GALNT13: variants seen among roughly 807,000 people sequenced by gnomAD.
GALNT13 encodes UDP-GalNAc:polypeptide N-acetylgalactosaminyltransferase 13.
GALNT13 carries 28 observed loss-of-function variants against 64.2 expected under a neutral mutation model. That is an observed-to-expected ratio of 0.44 (90% CI 0.32 to 0.60). The LOEUF is 0.60. Ranked by LOEUF, GALNT13 falls within the 20% of genes least tolerant of loss-of-function variation. The pLI is 0.05. For synonymous variants in GALNT13, 214 were observed against 224.6 expected (o/e 0.95, Z 0.42); for missense variants, 577 against 669.8 (o/e 0.86, Z 1.53).
chr2:154,390,440 T>A (rs537078826), intron 9 of GALNT13, among the ~76,000 whole-genome samples: 234 of 152,258 alleles, frequency 1.5e-3, no homozygotes, highest in African/African-American at 5.5e-3. Flanking sequence ...CCACATGTCC[T>A]CATGAGTTAA....
At chr2:153,989,687 G>A (rs1695033668) in intron 3 of GALNT13, among the ~76,000 whole-genome samples, 1 of 152,010 alleles carries the variant, frequency 6.6e-6, no homozygotes, top group South Asian at 2.1e-4. Flanking sequence ...TTGAGCATTT[G>A]CCATATTTAT....
At chr2:154,131,775 C>T (rs536128184) in intron 3 of GALNT13, among the ~76,000 whole-genome samples, 2 of 152,182 alleles carry the variant, frequency 1.3e-5, no homozygotes, top group African/African-American at 4.8e-5. Flanking sequence ...AGGTGAAGTC[C>T]CACAATAGGC....
At chr2:153,270,488 C>T in the GALNT13 span, among the ~76,000 whole-genome samples, 17 of 152,288 alleles carry the variant, frequency 1.1e-4, no homozygotes, top group Admixed American at 2.6e-4. Context: ...TGCCCAGACG[C>T]GCACCTCCTA....
chr2:153,330,900 G>C, the GALNT13 span, among the ~76,000 whole-genome samples: 469 of 152,230 alleles, frequency 3.1e-3, 19 homozygotes, highest in East Asian at 0.082. Flanking sequence ...TAAGTATGAT[G>C]TTGGCTGTGG....
At chr2:153,225,257 G>A in the GALNT13 span, among the ~76,000 whole-genome samples, 2 of 152,242 alleles carry the variant, frequency 1.3e-5, no homozygotes, top group East Asian at 1.9e-4. Flanking sequence ...TGCAGAAAAA[G>A]TATTTTACAA....
At chr2:154,419,440 C>G (rs973188374) in intron 11 of GALNT13, among the ~76,000 whole-genome samples, 3 of 152,004 alleles carry the variant, frequency 2.0e-5, no homozygotes, top group African/African-American at 7.2e-5. Context: ...ATTGTAGAGT[C>G]TCATTTTATG....
chr2:153,900,117 G>A (rs1346051364), intron 1 of GALNT13, among the ~76,000 whole-genome samples: 2 of 151,362 alleles, frequency 1.3e-5, no homozygotes, highest in Non-Finnish European at 2.9e-5. Context: ...TGTATTTTTA[G>A]TAAAGACAGG....
chr2:154,080,140 C>A (rs1272079098), intron 3 of GALNT13, among the ~76,000 whole-genome samples: 2 of 151,492 alleles, frequency 1.3e-5, no homozygotes, highest in Non-Finnish European at 3.0e-5. Context: ...ACAAAGGCTG[C>A]TGGGTGGAAT....
chr2:153,936,730 T>TG (rs1690951279), intron 2 of GALNT13, among the ~76,000 whole-genome samples: 1 of 152,130 alleles, frequency 6.6e-6, no homozygotes, highest in Admixed American at 6.5e-5. Context: ...AATTTAATTT[T>TG]TTTTTTTTTT....
intron 4 of GALNT13, among the ~76,000 whole-genome samples, chr2:154,175,327 A>G (rs1490298239): frequency 6.6e-6 from 1 of 152,172 alleles, no homozygotes; most frequent in African/African-American, 2.4e-5. Flanking sequence ...GATCAAATCA[A>G]TTTATAAACA....
the GALNT13 span, among the ~76,000 whole-genome samples, chr2:153,327,645 G>T: frequency 6.6e-6 from 1 of 151,762 alleles, no homozygotes; most frequent in Non-Finnish European, 1.5e-5. Context: ...AGCTCCATTA[G>T]ATCATTTATA....
chr2:153,164,265 T>C, the GALNT13 span, among the ~76,000 whole-genome samples: 1 of 152,274 alleles, frequency 6.6e-6, no homozygotes, highest in South Asian at 2.1e-4. Flanking sequence ...CCACTACCAA[T>C]AGGGTCTTGT....
At chr2:153,688,671 T>C in the GALNT13 span, among the ~76,000 whole-genome samples, 4 of 152,052 alleles carry the variant, frequency 2.6e-5, no homozygotes, top group Admixed American at 6.6e-5. Context: ...TTTGCTGATA[T>C]TGAACTTCAA....
At chr2:153,606,262 T>C in the GALNT13 span, among the ~76,000 whole-genome samples, 1 of 152,096 alleles carries the variant, frequency 6.6e-6, no homozygotes, top group Non-Finnish European at 1.5e-5. Context: ...TACACATACA[T>C]AGTGCTCTGC....
At chr2:153,534,038 A>G in the GALNT13 span, among the ~76,000 whole-genome samples, 6 of 151,900 alleles carry the variant, frequency 3.9e-5, no homozygotes, top group East Asian at 1.2e-3. Flanking sequence ...CGTGCCTGGC[A>G]TAGAATTTCC....
intron 9 of GALNT13, among the ~76,000 whole-genome samples, chr2:154,309,145 A>G (rs922376556): frequency 5.3e-5 from 8 of 152,210 alleles, no homozygotes; most frequent in African/African-American, 1.9e-4. Context: ...GTTTAAATGA[A>G]AAATAAGATT....
At chr2:154,433,072 T>C (rs1432465483) in intron 11 of GALNT13, among the ~76,000 whole-genome samples, 1 of 152,188 alleles carries the variant, frequency 6.6e-6, no homozygotes, top group Non-Finnish European at 1.5e-5. Context: ...GAATTCTTGG[T>C]AATTTTATAA....
intron 1 of GALNT13, among the ~76,000 whole-genome samples, chr2:153,881,840 T>G (rs932114532): frequency 2.6e-5 from 4 of 152,308 alleles, no homozygotes; most frequent in African/African-American, 9.6e-5. Context: ...CCTGTGTCCC[T>G]TAAGGTCTGT....
chr2:154,235,930 G>A, intron 4 of GALNT13: 1 of 333,040 alleles, frequency 3.0e-6, no homozygotes, highest in Non-Finnish European at 5.5e-6. Flanking sequence ...GTGATAAATA[G>A]GAATACTATT....
Sources: gnomAD v4.1 joint callset for allele counts (sites outside exome capture counted in the v4.1 genomes callset) on GRCh38, gnomAD v4.1.1 for gene constraint, MANE v1.5 for transcripts, NCBI Gene and HGNC (gene_info 2026-07-23, HGNC 2026-07-21) for gene names.